The following PAXIP1 variants were observed in gnomAD, a reference collection of about 807,000 sequenced individuals.
PAXIP1 encodes the protein PAX-interacting protein 1.
In PAXIP1, 19 loss-of-function variants were observed where a neutral mutation model predicts 140.6. That is an observed-to-expected ratio of 0.14 (90% confidence interval 0.09 to 0.20). The LOEUF is 0.20. Ranked by LOEUF, PAXIP1 falls within the 10% of genes least tolerant of loss-of-function variation. The probability of loss-of-function intolerance (pLI) is 1.00; values close to 1 mark genes in which losing one functional copy is unlikely to be tolerated. For synonymous variants in PAXIP1, 442 were observed against 444.6 expected, an observed-to-expected ratio of 0.99 and a Z score of 0.07; for missense variants, 920 against 1,208.6, an observed-to-expected ratio of 0.76 and a Z score of 3.54.
At chr7:154,995,698 A>G (rs1810561651) in intron 2 of PAXIP1, among the ~76,000 whole-genome samples, 1 of 152,090 alleles carries the variant, frequency 6.6e-6, no homozygotes, top group Non-Finnish European at 1.5e-5. Flanking sequence ...AAAAACACAA[A>G]AGTTAGCCGG....
At chr7:154,951,769 T>G (rs1808281279) in intron 16 of PAXIP1, 2 of 152,238 alleles carry the variant, frequency 1.3e-5, no homozygotes, top group East Asian at 1.9e-4. Context: ...ATTCACTAAA[T>G]TGGCTGCTTG....
intron 8 of PAXIP1, 53 bp downstream of exon 8, chr7:154,967,763 T>C: frequency 2.4e-6 from 3 of 1,248,152 alleles, no homozygotes; most frequent in African/African-American, 1.5e-5. Context: ...TACATCTACA[T>C]AAGAAAGAAG....
intron 9 of PAXIP1, among the ~76,000 whole-genome samples, chr7:154,962,904 T>A (rs1306573285): frequency 6.6e-6 from 1 of 152,206 alleles, no homozygotes; most frequent in Non-Finnish European, 1.5e-5. Context: ...GGCTATCCTC[T>A]TTAAGAGGGG....
chr7:154,945,849 T>C (rs1463582900), intron 20 of PAXIP1: 1 of 984,982 alleles, frequency 1.0e-6, no homozygotes, highest in African/African-American at 1.7e-5. Context: ...CCTGAATGTC[T>C]GAAATAGAAA....
intron 2 of PAXIP1, among the ~76,000 whole-genome samples, chr7:154,994,343 T>C (rs530486605): frequency 6.6e-6 from 1 of 152,342 alleles, no homozygotes; most frequent in South Asian, 2.1e-4. Context: ...TTTTTATAAT[T>C]ATACAAATCA....
chr7:154,975,905 A>G lies in PAXIP1; in HGVS notation c.865T>C (p.Leu289=). The G allele has an allele frequency of 6.2e-7, 1 of 1,613,940 alleles. No individual in the cohort carries two copies. The highest frequency in any genetic ancestry group is 8.5e-7 in the Non-Finnish European group (1 of 1,179,884). The change falls in exon 6 of 21, where the codon TTG becomes CTG. Residue 289 remains leucine (L), a synonymous_variant. Coordinates refer to ENST00000404141, the MANE Select transcript of PAXIP1 (RefSeq NM_007349.4). The part of the protein sequence containing the change: ...RRLPQGKEPG[L]INLCANVPPV... ...GGGACATTGGCACACAAGTTAATCAACCCAGGCTCCTTTCCCTGAGGCAGC... is the reference window on the plus strand; with the variant it reads ...GGGACATTGGCACACAAGTTAATCAGCCCAGGCTCCTTTCCCTGAGGCAGC...
chr7:154,962,282 G>C, intron 10 of PAXIP1, 39 bp downstream of exon 10: 1 of 1,606,130 alleles, frequency 6.2e-7, no homozygotes, highest in South Asian at 1.1e-5. Flanking sequence ...CAAAGTCGAA[G>C]GATGATTTAA....
At chr7:154,959,997 T>C (rs1200491200) in intron 12 of PAXIP1, 64 bp from the exon 13 acceptor site, 1 of 1,053,020 alleles carries the variant, frequency 9.5e-7, no homozygotes, top group East Asian at 2.4e-5. Flanking sequence ...GGCCTTTTTA[T>C]AAAAGTCTTC....
At position 154,973,426 on chromosome 7, in the gene PAXIP1, T is replaced by G. The variant is rs937773583; in HGVS notation, c.1074+2270A>C. ...CACCTCTCAAGCCAGAAACCCAAAG[T>G]CTTCCCTATCTATGAATCACCTATT... is the stretch of plus-strand genomic sequence containing the variant. On this transcript the variant is annotated intron_variant, in intron 6 of 20. Transcript: ENST00000404141. The surrounding 1 kb of genome is among the most constrained non-coding windows in gnomAD (Gnocchi z 4.0). Among the ~76,000 whole-genome samples the G allele has an allele frequency of 6.6e-6, 1 of 152,134 alleles. No individual in the cohort carries two copies.
chr7:154,948,025 A>G, intron 16 of PAXIP1, 22 bp from the exon 17 acceptor site: 1 of 1,542,934 alleles, frequency 6.5e-7, no homozygotes, highest in Non-Finnish European at 9.0e-7. Flanking sequence ...AACAGCACAT[A>G]CTCTGAAAAG....
chr7:154,993,032 G>T (rs1383531603), intron 3 of PAXIP1, among the ~76,000 whole-genome samples: 4 of 152,150 alleles, frequency 2.6e-5, no homozygotes, highest in African/African-American at 9.7e-5. Flanking sequence ...ACTTGCAAAA[G>T]AAATGATTTC....
intron 8 of PAXIP1, chr7:154,965,594 AACG>A (rs1228220186): frequency 7.9e-5 from 12 of 152,208 alleles, no homozygotes; most frequent in Admixed American, 3.9e-4. Context: ...TCATCGTGAA[AACG>A]ACGAGGATGA....
chr7:154,958,691 G>A (rs995534839), intron 13 of PAXIP1, among the ~76,000 whole-genome samples: 5 of 152,042 alleles, frequency 3.3e-5, no homozygotes, highest in African/African-American at 1.2e-4. Flanking sequence ...GGATAAACTG[G>A]GCCTCTTTGT....
intron 13 of PAXIP1, among the ~76,000 whole-genome samples, chr7:154,959,449 A>G (rs897846873): frequency 6.6e-5 from 10 of 152,224 alleles, no homozygotes; most frequent in Non-Finnish European, 1.3e-4. Flanking sequence ...GAATGTGGGG[A>G]AAAGAGAAAA....
At chr7:154,991,172 G>T in intron 3 of PAXIP1, 103 bp from the exon 4 acceptor site, 1 of 583,506 alleles carries the variant, frequency 1.7e-6, no homozygotes, top group Non-Finnish European at 3.0e-6. Flanking sequence ...GTCCATTTAA[G>T]AAAGAGACAG....
rs61752015 is a variant in PAXIP1 at position 154,975,967 on chromosome 7, G to A, written c.803C>T (p.Pro268Leu). Residue 268 changes from proline to leucine, a missense_variant, in exon 6 of 21, where the codon CCG becomes CTG. Physicochemically the swap from Pro to Leu is moderately conservative, Grantham distance 98. Around this residue, in one of 5 missense-constraint regions of PAXIP1, gnomAD observed 419 missense variants for 514.7 expected, o/e 0.81. Coordinates refer to ENST00000404141, the MANE Select transcript of PAXIP1 (RefSeq NM_007349.4). ...TGCAGCTAACTGTGGGACTTCGGCC[G>A]GGGTCCAGTTTAAATTTCTCTCCTG... ...EKQERNLNWTPAEVPQLAAAK... is the reference protein window; with the variant it reads ...EKQERNLNWTLAEVPQLAAAK... The A allele has an allele frequency of 8.5e-4, 1,375 of 1,613,722 alleles. 6 individuals are homozygous for A. Among genetic ancestry groups the A allele is most frequent in the Middle Eastern group, 3.5e-3 (21 of 6,060 alleles).
intron 17 of PAXIP1, 102 bp downstream of exon 17, chr7:154,947,801 T>A: frequency 1.2e-6 from 1 of 837,912 alleles, no homozygotes; most frequent in East Asian, 2.4e-5. Context: ...TGAGCCCAGC[T>A]CCCCTGGAGG....
chr7:154,969,211 C>A, intron 6 of PAXIP1, 85 bp from the exon 7 acceptor site: 1 of 1,355,962 alleles, frequency 7.4e-7, no homozygotes, highest in Admixed American at 3.2e-5. Flanking sequence ...AATGGCATAT[C>A]CTATTTATTA....
intron 6 of PAXIP1, among the ~76,000 whole-genome samples, chr7:154,971,150 G>A (rs1002158296): frequency 6.6e-6 from 1 of 152,226 alleles, no homozygotes; most frequent in African/African-American, 2.4e-5. Context: ...TGCAGAAAGT[G>A]CTCCATCTGA....
Sources: allele counts gnomAD v4.1 joint callset (sites outside exome capture counted in the v4.1 genomes callset), GRCh38; gene constraint gnomAD v4.1.1; regional missense constraint gnomAD v4.1.1; non-coding constraint Gnocchi (gnomAD v3.1); transcripts MANE v1.5; gene names NCBI Gene and HGNC (gene_info 2026-07-23, HGNC 2026-07-21).